The following ELOVL6 variants were observed in gnomAD, a reference collection of about 807,000 sequenced individuals.
ELOVL6 encodes very long chain fatty acid elongase 6.
A neutral mutation model predicts 31.7 loss-of-function variants in ELOVL6; 8 were observed. The observed-to-expected ratio is 0.25, with a 90% CI of 0.15 to 0.45. The LOEUF (loss-of-function observed/expected upper bound fraction) is 0.45. Among genes scored for constraint, ELOVL6 ranks in the 20% least tolerant of loss-of-function variants. The pLI is 1.00. For synonymous variants in ELOVL6, 101 were observed against 117.7 expected (o/e 0.86, Z 0.92); for missense variants, 126 against 326.4 (o/e 0.39, Z 4.73).
At position 110,169,731 on chromosome 4, in the gene ELOVL6, CTAATTT is replaced by C. The variant is rs146908625; in HGVS notation, c.89+28510_89+28515del. On this transcript the variant is annotated intron_variant, in intron 1 of 3. Transcript: ENST00000302274. ...CCCTTAGGAAACAAAAATTTTTGAT[CTAATTT>C]TAAGAAAATTTTTATTTTTATGAAT... is the stretch of plus-strand genomic sequence containing the variant. 5.7e-3 allele frequency among the ~76,000 whole-genome samples: 866 copies of C among 151,612 alleles called. 9 individuals carry two copies. Among genetic ancestry groups the C allele is most frequent in the African/African-American group, 0.02 (829 of 41,342 alleles).
intron 1 of ELOVL6, among the ~76,000 whole-genome samples, chr4:110,137,595 A>G (rs954778182): frequency 2.0e-5 from 3 of 152,198 alleles, no homozygotes; most frequent in African/African-American, 7.2e-5. Context: ...TCAAAAGGTA[A>G]AAAGCTAATG....
chr4:110,054,637 C>T (rs1754928486), intron 3 of ELOVL6, among the ~76,000 whole-genome samples: 2 of 152,044 alleles, frequency 1.3e-5, no homozygotes, highest in African/African-American at 2.4e-5. Flanking sequence ...TTAGTTTAAC[C>T]CTATCATCAC....
chr4:110,065,065 C>T (rs895994312), intron 2 of ELOVL6, among the ~76,000 whole-genome samples: 1 of 152,038 alleles, frequency 6.6e-6, no homozygotes, highest in Non-Finnish European at 1.5e-5. Context: ...TTTCTACAGC[C>T]TATTGCAGGA....
chr4:110,177,898 C>A (rs1759159000), intron 1 of ELOVL6, among the ~76,000 whole-genome samples: 1 of 152,156 alleles, frequency 6.6e-6, no homozygotes, highest in South Asian at 2.1e-4. Flanking sequence ...CCAAAAATGA[C>A]ATAATCCATG....
chr4:110,086,947 A>C (rs1756284576), intron 2 of ELOVL6, among the ~76,000 whole-genome samples: 5 of 152,132 alleles, frequency 3.3e-5, no homozygotes. Context: ...GTCCTATAAT[A>C]GTATTTCCTT....
intron 2 of ELOVL6, among the ~76,000 whole-genome samples, chr4:110,060,428 A>T (rs1159589198): frequency 3.3e-5 from 5 of 151,908 alleles, no homozygotes; most frequent in African/African-American, 9.7e-5. Context: ...TGCTAATACC[A>T]CCCCAACACT....
At chr4:110,063,820 G>A (rs1392711003) in intron 2 of ELOVL6, among the ~76,000 whole-genome samples, 1 of 151,800 alleles carries the variant, frequency 6.6e-6, no homozygotes, top group African/African-American at 2.4e-5. Flanking sequence ...GCTCATGCCT[G>A]TAATCCCAGC....
chr4:110,194,079 CAG>C (rs761430656), intron 1 of ELOVL6, among the ~76,000 whole-genome samples: 1 of 152,216 alleles, frequency 6.6e-6, no homozygotes, highest in African/African-American at 2.4e-5. Context: ...AAAGAGAAGG[CAG>C]AGAGAGCCCA....
intron 2 of ELOVL6, among the ~76,000 whole-genome samples, chr4:110,090,600 C>CTTTTTTGTTTTGTTTTT (rs1553956743): frequency 1.9e-5 from 2 of 103,716 alleles, no homozygotes; most frequent in African/African-American, 4.3e-5. Context: ...GTTTGACTTT[C>CTTTTTTGTTTTGTTTTT]TTTTTTTTTT....
chr4:110,094,193 G>C, intron 2 of ELOVL6, among the ~76,000 whole-genome samples: 1 of 149,690 alleles, frequency 6.7e-6, no homozygotes. Context: ...AGGCTGCAGC[G>C]AGCCAAGATT....
intron 2 of ELOVL6, among the ~76,000 whole-genome samples, chr4:110,083,981 C>T (rs13119449): frequency 0.13 from 1,060 of 8,282 alleles, 138 homozygotes; most frequent in East Asian, 0.32. Flanking sequence ...TAACATATGC[C>T]ATATACGATA....
In ELOVL6 at chr4:110,105,613, C is replaced by T; in HGVS notation, c.105G>A (p.Leu35=). 1 of 1,610,186 alleles carries T rather than the reference C, an allele frequency of 6.2e-7. No individual in the cohort carries two copies. Residue 35 remains leucine (L), a synonymous_variant, in exon 2 of 4, where the codon CTG becomes CTA. Transcript: ENST00000302274. ...WMQENWKKSF[L]FSALYAAFIF... ...TAAAGGCAGCATACAGAGCAGAAAA[C>T]AGGAAAGATTTCTTCCTGCAAACAA...
At chr4:110,159,864 A>AT (rs1327022884) in intron 1 of ELOVL6, among the ~76,000 whole-genome samples, 2 of 152,034 alleles carry the variant, frequency 1.3e-5, no homozygotes, top group African/African-American at 4.8e-5. Context: ...TTGCTATTTT[A>AT]TTTTTTCCGT....
At chr4:110,186,821 A>AC (rs1560863159) in intron 1 of ELOVL6, among the ~76,000 whole-genome samples, 1 of 77,810 alleles carries the variant, frequency 1.3e-5, no homozygotes, top group African/African-American at 4.2e-5. Context: ...AAAAAAAAAA[A>AC]AATATATATA....
intron 2 of ELOVL6, among the ~76,000 whole-genome samples, chr4:110,073,467 G>C (rs974670187): frequency 2.0e-5 from 3 of 152,232 alleles, no homozygotes; most frequent in African/African-American, 7.2e-5. Flanking sequence ...CGCAAACTCA[G>C]TGGGTATTTG....
intron 1 of ELOVL6, 32 bp from the exon 2 acceptor site, chr4:110,105,660 T>A: frequency 6.3e-7 from 1 of 1,596,778 alleles, no homozygotes; most frequent in Non-Finnish European, 8.5e-7. Context: ...CTTTAAGATA[T>A]TTTTAGTCAT....
intron 1 of ELOVL6, among the ~76,000 whole-genome samples, chr4:110,169,269 C>T (rs1185685672): frequency 1.0e-4 from 15 of 143,074 alleles, no homozygotes; most frequent in South Asian, 2.2e-4. Context: ...GACGGAGTCT[C>T]GCTCTGCCAC....
At chr4:110,120,396 C>T (rs1447415349) in intron 1 of ELOVL6, among the ~76,000 whole-genome samples, 1 of 151,234 alleles carries the variant, frequency 6.6e-6, no homozygotes, top group African/African-American at 2.4e-5. Context: ...CAAGATACTT[C>T]TTGAGTCTAA....
At chr4:110,172,402 C>T (rs1013496294) in intron 1 of ELOVL6, among the ~76,000 whole-genome samples, 8 of 152,190 alleles carry the variant, frequency 5.3e-5, no homozygotes, top group Admixed American at 4.6e-4. Context: ...TGTGACCAGA[C>T]ACTTGTAGGA....
Sources: gnomAD v4.1 joint callset for allele counts (sites outside exome capture counted in the v4.1 genomes callset) on GRCh38, gnomAD v4.1.1 for gene constraint, MANE v1.5 for transcripts, NCBI Gene and HGNC (gene_info 2026-07-23, HGNC 2026-07-21) for gene names.